The following ZFHX3 variants were observed in gnomAD, a reference collection of about 807,000 sequenced individuals.
ZFHX3 encodes zinc finger homeobox protein 3.
In ZFHX3, 42 loss-of-function variants were observed where a neutral mutation model predicts 279.1. That is an observed-to-expected ratio of 0.15 (90% CI 0.12 to 0.19). ZFHX3 has a LOEUF of 0.19. Ranked by LOEUF, ZFHX3 falls within the 10% of genes least tolerant of loss-of-function variation. The pLI, the probability that ZFHX3 is intolerant of heterozygous loss-of-function variation, is 1.00. For synonymous variants in ZFHX3, 2,293 were observed against 1,957.8 expected (o/e 1.17, Z -4.52); for missense variants, 4,981 against 4,754.0 (o/e 1.05, Z -1.40).
intron 1 of ZFHX3, among the ~76,000 whole-genome samples, chr16:73,043,851 C>G (rs548026849): frequency 6.6e-6 from 1 of 152,352 alleles, no homozygotes; most frequent in East Asian, 1.9e-4. Flanking sequence ...ATCTGGCAGT[C>G]AACTTTAAAT....
At chr16:73,320,586 G>T (rs1489467401) in intron 3 of ZFHX3, among the ~76,000 whole-genome samples, 1 of 152,084 alleles carries the variant, frequency 6.6e-6, no homozygotes, top group African/African-American at 2.4e-5. Flanking sequence ...ATTTCAGTGG[G>T]TATTATTCCA....
chr16:73,720,371 T>C (rs1456340097), intron 1 of ZFHX3, among the ~76,000 whole-genome samples: 1 of 152,230 alleles, frequency 6.6e-6, no homozygotes, highest in Non-Finnish European at 1.5e-5. Context: ...GTATGAAGAA[T>C]TTTATCTCGC....
chr16:73,719,198 G>A (rs2053449141), intron 1 of ZFHX3, among the ~76,000 whole-genome samples: 2 of 152,178 alleles, frequency 1.3e-5, no homozygotes, highest in South Asian at 2.1e-4. Context: ...AGTGATACCA[G>A]TCAAGCACTT....
At chr16:73,536,339 A>G (rs899614786) in intron 2 of ZFHX3, among the ~76,000 whole-genome samples, 2 of 152,260 alleles carry the variant, frequency 1.3e-5, no homozygotes, top group Non-Finnish European at 2.9e-5. Context: ...AAAAAATAAT[A>G]AAACAGGTTC....
At chr16:73,687,765 T>A (rs893829202) in intron 1 of ZFHX3, among the ~76,000 whole-genome samples, 1 of 141,834 alleles carries the variant, frequency 7.1e-6, no homozygotes, top group African/African-American at 2.7e-5. Flanking sequence ...GGAGAATCTC[T>A]TGAACCCAGG....
chr16:72,858,742 G>A (rs1238431556), intron 4 of ZFHX3, among the ~76,000 whole-genome samples: 1 of 152,242 alleles, frequency 6.6e-6, no homozygotes, highest in Non-Finnish European at 1.5e-5. Flanking sequence ...TTGTGCAGAG[G>A]GAGGAAGAGA....
chr16:73,489,948 AAC>A (rs1161457493), intron 2 of ZFHX3, among the ~76,000 whole-genome samples: 1 of 152,234 alleles, frequency 6.6e-6, no homozygotes, highest in African/African-American at 2.4e-5. Flanking sequence ...ACAAAATGAT[AAC>A]AGTGTCTCCA....
intron 5 of ZFHX3, among the ~76,000 whole-genome samples, chr16:73,193,375 G>T (rs1351224203): frequency 6.6e-6 from 1 of 152,212 alleles, no homozygotes; most frequent in Non-Finnish European, 1.5e-5. Flanking sequence ...AGAGATGGGG[G>T]CGGTGAACTG....
chr16:73,522,027 G>A (rs948381529), intron 2 of ZFHX3, among the ~76,000 whole-genome samples: 4 of 152,160 alleles, frequency 2.6e-5, no homozygotes, highest in Admixed American at 1.3e-4. Flanking sequence ...GTTATCTAAT[G>A]ATGCACAGAA....
chr16:73,780,949 G>A (rs1357116798), intron 1 of ZFHX3, among the ~76,000 whole-genome samples: 1 of 152,130 alleles, frequency 6.6e-6, no homozygotes, highest in Non-Finnish European at 1.5e-5. Context: ...ACACATGAAA[G>A]GTAATATCAG....
Position 73,502,456 on chromosome 16 carries a change from A to G in ZFHX3, c.-1546-46198T>C, listed in dbSNP as rs1223807171. 3.3e-5 allele frequency among the ~76,000 whole-genome samples: 5 copies of G among 152,214 alleles called. No homozygotes were observed. In the East Asian group the frequency reaches 9.6e-4, roughly 29 times the overall value. ...GAAATGGGCCCCTGATCCCAAGTCA[A>G]TCATAGGTACTGGGACAGTGGCCCA... On this transcript the variant is annotated intron_variant, in intron 2 of 17. Coordinates refer to the ZFHX3 transcript ENST00000641206.
At chr16:73,445,871 G>A (rs994814285) in intron 3 of ZFHX3, among the ~76,000 whole-genome samples, 1 of 151,144 alleles carries the variant, frequency 6.6e-6, no homozygotes, top group African/African-American at 2.4e-5. Context: ...TAACTGTGAG[G>A]TGTGAGTTCT....
intron 2 of ZFHX3, among the ~76,000 whole-genome samples, chr16:73,613,892 G>C (rs374227329): frequency 1.3e-5 from 2 of 152,280 alleles, no homozygotes; most frequent in African/African-American, 4.8e-5. Context: ...CGCTACCAAT[G>C]TCCTACTAAC....
In ZFHX3 at chr16:73,033,663, T is replaced by C. The variant is rs80276927; in HGVS notation, c.-50+14089A>G. ...TTCCACCTCACACTTTCACAGTTTT[T>C]TTCCTGCCTGCCAGGAGGCCAGCCT... is the stretch of plus-strand genomic sequence containing the variant. On this transcript the variant is annotated intron_variant, in intron 1 of 9. Coordinates refer to ENST00000268489, the MANE Select transcript of ZFHX3 (RefSeq NM_006885.4). Among the ~76,000 whole-genome samples, 1,292 of 152,230 alleles carry C rather than the reference T, an allele frequency of 8.5e-3. 21 individuals are homozygous for C. The highest frequency in any genetic ancestry group is 0.03 in the African/African-American group (1,231 of 41,516).
chr16:73,245,834 G>A (rs149998076), intron 5 of ZFHX3, among the ~76,000 whole-genome samples: 42 of 152,262 alleles, frequency 2.8e-4, no homozygotes, highest in East Asian at 1.7e-3. Flanking sequence ...AAGTGAAAGC[G>A]TAAGAGTAAG....
chr16:73,782,727 T>A (rs189927480), intron 1 of ZFHX3, among the ~76,000 whole-genome samples: 3 of 152,316 alleles, frequency 2.0e-5, no homozygotes, highest in Non-Finnish European at 2.9e-5. Context: ...GTTCTGCCCT[T>A]GTCTGCAATA....
intron 4 of ZFHX3, among the ~76,000 whole-genome samples, chr16:73,282,309 C>A (rs1165187728): frequency 1.3e-5 from 2 of 152,172 alleles, no homozygotes; most frequent in African/African-American, 4.8e-5. Context: ...GCCTAGAAAT[C>A]TAAACAATTT....
At chr16:73,794,290 C>G (rs376334607) in intron 1 of ZFHX3, 1 of 152,140 alleles carries the variant, frequency 6.6e-6, no homozygotes, top group African/African-American at 2.4e-5. Flanking sequence ...CTAGGCCACC[C>G]CAGACCCCCT....
At chr16:73,129,661 T>C (rs1313480102) in intron 7 of ZFHX3, among the ~76,000 whole-genome samples, 2 of 151,656 alleles carry the variant, frequency 1.3e-5, no homozygotes, top group East Asian at 3.9e-4. Context: ...TGCATGTATG[T>C]GTGCCCACGC....
Sources: allele counts gnomAD v4.1 joint callset (sites outside exome capture counted in the v4.1 genomes callset), GRCh38; gene constraint gnomAD v4.1.1; transcripts MANE v1.5; gene names NCBI Gene and HGNC (gene_info 2026-07-23, HGNC 2026-07-21).